CACNA2D1: variants seen among roughly 807,000 people sequenced by gnomAD.
CACNA2D1 encodes calcium voltage-gated channel auxiliary subunit alpha2delta 1.
CACNA2D1 carries 53 observed loss-of-function variants against 171.5 expected under a neutral mutation model. That is an observed-to-expected ratio of 0.31 (90% CI 0.25 to 0.39). The LOEUF (loss-of-function observed/expected upper bound fraction) is 0.39, where lower values mean the gene tolerates loss of function less well. Among genes scored for constraint, CACNA2D1 ranks in the 10% least tolerant of loss-of-function variants. The pLI is 1.00. For synonymous variants in CACNA2D1, 442 were observed against 443.1 expected (o/e 1.00, Z 0.03); for missense variants, 903 against 1,299.8 (o/e 0.69, Z 4.69).
At chr7:82,166,132 C>T (rs937519645) in intron 4 of CACNA2D1, among the ~76,000 whole-genome samples, 15 of 151,962 alleles carry the variant, frequency 9.9e-5, no homozygotes, top group African/African-American at 3.4e-4. Context: ...TACATAATGC[C>T]GGTGCCTATT....
chr7:82,094,357 C>T (rs923723886), intron 6 of CACNA2D1, among the ~76,000 whole-genome samples: 14 of 152,118 alleles, frequency 9.2e-5, no homozygotes, highest in Non-Finnish European at 1.6e-4. Context: ...GGTTAATATC[C>T]TTGTATCTCT....
intron 1 of CACNA2D1, among the ~76,000 whole-genome samples, chr7:82,429,206 T>A: frequency 6.6e-6 from 1 of 152,242 alleles, no homozygotes; most frequent in Admixed American, 6.5e-5. Flanking sequence ...TATCTGAATC[T>A]GCATGTATAT....
chr7:82,197,106 CAG>C (rs1798930015), intron 3 of CACNA2D1, among the ~76,000 whole-genome samples: 1 of 151,612 alleles, frequency 6.6e-6, no homozygotes, highest in Non-Finnish European at 1.5e-5. Flanking sequence ...TGTTTTGACA[CAG>C]AGAAGAAAAT....
chr7:82,060,923 A>G (rs1485106941), intron 9 of CACNA2D1, among the ~76,000 whole-genome samples: 4 of 152,186 alleles, frequency 2.6e-5, no homozygotes, highest in Non-Finnish European at 4.4e-5. Flanking sequence ...TAAAACAATA[A>G]TTATAAATCC....
chr7:82,441,570 A>G (rs1830504834), intron 1 of CACNA2D1, among the ~76,000 whole-genome samples: 1 of 152,176 alleles, frequency 6.6e-6, no homozygotes, highest in Non-Finnish European at 1.5e-5. Context: ...ATTTTAGGAA[A>G]GCATTATTGC....
Position 82,014,396 on chromosome 7 carries a change from G to T in CACNA2D1, c.1222+5C>A. The T allele has an allele frequency of 6.7e-7, 1 of 1,500,794 alleles. No individual in the cohort carries two copies. Among genetic ancestry groups the T allele is most frequent in the African/African-American group, 1.4e-5 (1 of 72,666 alleles). 93.0% of individuals were successfully genotyped at this position (1,500,794 alleles called of 1,614,324 possible). ...TAATTTATTAGAAGAAAACAGATTT[G>T]TTACCTTTGTTTTCACAGGCCATCC... is the stretch of plus-strand genomic sequence containing the variant. On this transcript the variant is annotated splice_donor_5th_base_variant and intron_variant, in intron 13 of 38. Coordinates refer to ENST00000356860, the MANE Select transcript of CACNA2D1 (RefSeq NM_000722.4).
chr7:82,007,983 T>A (rs1304278640), intron 15 of CACNA2D1, among the ~76,000 whole-genome samples: 1 of 152,106 alleles, frequency 6.6e-6, no homozygotes, highest in Admixed American at 6.6e-5. Context: ...CATGCAACAT[T>A]TAAAATAATC....
intron 3 of CACNA2D1, among the ~76,000 whole-genome samples, chr7:82,261,260 C>A (rs1807062062): frequency 6.6e-6 from 1 of 152,074 alleles, no homozygotes; most frequent in South Asian, 2.1e-4. Flanking sequence ...CGGCCTGGAC[C>A]ACTTTTTATA....
At chr7:82,265,416 C>CTTTTTTTTTT (rs765047961) in intron 3 of CACNA2D1, among the ~76,000 whole-genome samples, 17 of 77,274 alleles carry the variant, frequency 2.2e-4, no homozygotes, top group Non-Finnish European at 3.1e-4. Context: ...TTTTTCCTTT[C>CTTTTTTTTTT]TTTTTTTTTT....
In CACNA2D1 at chr7:82,212,800, C is replaced by T. The variant is rs183896552; in HGVS notation, c.295-42191G>A. On this transcript the variant is annotated intron_variant, in intron 3 of 38. Transcript: ENST00000356860. Reference sequence around the variant, plus strand: ...GCTGGTATAATATGCCATTATTATCCTCATAAATGATGAAACAAGTATTGC... The same window carrying T: ...GCTGGTATAATATGCCATTATTATCTTCATAAATGATGAAACAAGTATTGC... Among the ~76,000 whole-genome samples the T allele has an allele frequency of 5.9e-5, 9 of 152,178 alleles. No individual in the cohort carries two copies. The East Asian group carries it at 7.7e-4, about 13-fold the overall frequency.
intron 3 of CACNA2D1, among the ~76,000 whole-genome samples, chr7:82,261,842 A>T: frequency 6.6e-6 from 1 of 152,232 alleles, no homozygotes; most frequent in East Asian, 1.9e-4. Context: ...TGTAACACTA[A>T]GTTCAAATGT....
chr7:82,409,258 CT>C lies in CACNA2D1; in HGVS notation c.95+34106del, dbSNP rs377368357. Among the ~76,000 whole-genome samples, 484 of 152,114 alleles carry C rather than the reference CT, an allele frequency of 3.2e-3. 4 individuals are homozygous for C. Among genetic ancestry groups the C allele is most frequent in the African/African-American group, 0.011 (455 of 41,484 alleles). On this transcript the variant is annotated intron_variant, in intron 1 of 38. Coordinates refer to ENST00000356860, the MANE Select transcript of CACNA2D1 (RefSeq NM_000722.4). Reference sequence around the variant, plus strand: ...TTATCAGATACTGAAAGTCTTGTGACTTTTTTTCAATTATGTTAGTACATTT... The same window carrying C: ...TTATCAGATACTGAAAGTCTTGTGACTTTTTTCAATTATGTTAGTACATTT...
chr7:82,131,988 C>T (rs1173017616), intron 5 of CACNA2D1, among the ~76,000 whole-genome samples: 1 of 152,050 alleles, frequency 6.6e-6, no homozygotes, highest in Non-Finnish European at 1.5e-5. Context: ...AGATAAGTAA[C>T]AATCTTTTTT....
At chr7:82,187,324 G>A (rs1797876032) in intron 3 of CACNA2D1, among the ~76,000 whole-genome samples, 2 of 151,970 alleles carry the variant, frequency 1.3e-5, no homozygotes, top group South Asian at 4.1e-4. Context: ...TTTTAAATTG[G>A]AATCCTTTCA....
At chr7:82,066,547 G>T (rs751712329) in intron 7 of CACNA2D1, 23 bp from the exon 8 acceptor site, 3 of 1,521,082 alleles carry the variant, frequency 2.0e-6, no homozygotes, top group Admixed American at 1.9e-5. Flanking sequence ...AAAAAAGAGA[G>T]ATATTAAATC....
intron 3 of CACNA2D1, among the ~76,000 whole-genome samples, chr7:82,196,034 G>C (rs892866855): frequency 6.7e-6 from 1 of 148,644 alleles, no homozygotes; most frequent in Non-Finnish European, 1.5e-5. Flanking sequence ...CAGTGAGCCT[G>C]TCCATAAAAT....
At position 81,991,214 on chromosome 7, in the gene CACNA2D1, T is replaced by C. The variant is rs745381909; in HGVS notation, c.1767A>G (p.Thr589=). Reference sequence around the variant, plus strand: ...AATCTGTGCCATTGACAGGTGTCCATGTGTATGTCCTGTTTCCTTTGTCAA... The same window carrying C: ...AATCTGTGCCATTGACAGGTGTCCACGTGTATGTCCTGTTTCCTTTGTCAA... ...RYIDKGNRTY[T]WTPVNGTDYS... Residue 589 remains threonine, a synonymous_variant, in exon 21 of 39, where the codon ACA becomes ACG. Transcript: ENST00000356860. The C allele has an allele frequency of 2.0e-6, 3 of 1,536,284 alleles. No homozygotes were observed. Among genetic ancestry groups the C allele is most frequent in the Non-Finnish European group, 2.7e-6 (3 of 1,109,512 alleles).
intron 3 of CACNA2D1, among the ~76,000 whole-genome samples, chr7:82,319,030 T>C (rs1190083600): frequency 6.6e-6 from 1 of 152,194 alleles, no homozygotes; most frequent in Non-Finnish European, 1.5e-5. Context: ...GGGAATTAAA[T>C]GGATCTGGAT....
intron 3 of CACNA2D1, among the ~76,000 whole-genome samples, chr7:82,305,243 T>G (rs1442478812): frequency 6.6e-6 from 1 of 152,162 alleles, no homozygotes; most frequent in Non-Finnish European, 1.5e-5. Flanking sequence ...TATTTTGGCA[T>G]AACAATGATT....
Sources: gnomAD v4.1 joint callset for allele counts (sites outside exome capture counted in the v4.1 genomes callset) on GRCh38, gnomAD v4.1.1 for gene constraint, MANE v1.5 for transcripts, NCBI Gene and HGNC (gene_info 2026-07-23, HGNC 2026-07-21) for gene names.